RYR3: variants seen among roughly 807,000 people sequenced by gnomAD.
RYR3 encodes the protein ryanodine receptor 3, also known as brain ryanodine receptor-calcium release channel.
A neutral mutation model predicts 584.3 loss-of-function variants in RYR3; 207 were observed. That is an observed-to-expected ratio of 0.35 (90% CI 0.32 to 0.40). The LOEUF is 0.40. Among genes scored for constraint, RYR3 ranks in the 10% least tolerant of loss-of-function variants. The pLI is 1.00. For synonymous variants in RYR3, 2,416 were observed against 2,248.5 expected, an observed-to-expected ratio of 1.07 and a Z score of -2.11; for missense variants, 5,616 against 6,089.2, an observed-to-expected ratio of 0.92 and a Z score of 2.59.
intron 103 of RYR3, 177 bp from the exon 104 acceptor site, chr15:33,864,954 G>A: frequency 3.6e-6 from 2 of 551,738 alleles, no homozygotes; most frequent in Non-Finnish European, 6.4e-6. Flanking sequence ...AGAGAGACAT[G>A]GCTTCTTGCT....
At position 33,662,942 on chromosome 15, in the gene RYR3, G is replaced by A; in HGVS notation, c.5412G>A (p.Lys1804=). Residue 1804 remains lysine, a synonymous_variant, in exon 35 of 104, where the codon AAG becomes AAA. Transcript: ENST00000634891. The part of the protein sequence containing the change: ...LLQTRLPESV[K]LQMCELLSYL... ...AGACTCGATTACCCGAATCCGTCAA[G>A]CTGCAGGTAAGCTGCAGGTGGTTAA... 1.9e-6 allele frequency: 3 copies of A among 1,611,448 alleles called. No homozygotes were observed. The highest frequency in any genetic ancestry group is 2.5e-6 in the Non-Finnish European group (3 of 1,178,746).
chr15:33,739,840 C>T lies in RYR3; in HGVS notation c.7665C>T (p.Asp2555=), dbSNP rs377655671. ...TTGTTTTTCCCTCACAGAAATATGA[C>T]CCAGATCTTTTCCGAATGGCCCTGC... is the stretch of plus-strand genomic sequence containing the variant. ...IFDSLSHKKY[D]PDLFRMALPC... is the part of the protein sequence containing the mutation. Residue 2555 remains aspartate (D), a synonymous_variant, in exon 51 of 104, where the codon GAC becomes GAT. Coordinates refer to ENST00000634891, the MANE Select transcript of RYR3 (RefSeq NM_001036.6). 7.6e-5 allele frequency: 123 copies of T among 1,613,200 alleles called. No homozygotes were observed. Among genetic ancestry groups the T allele is most frequent in the Non-Finnish European group, 9.2e-5 (108 of 1,179,560 alleles).
In RYR3 at chr15:33,838,839, A is replaced by C. The variant is rs773012151; in HGVS notation, c.12859A>C (p.Lys4287Gln). The C allele has an allele frequency of 2.3e-5, 37 of 1,613,976 alleles. 1 individual carries two copies. In the South Asian group the frequency reaches 4.1e-4, roughly 18 times the overall value. The change falls in exon 89 of 104, where the codon AAG becomes CAG. Residue 4287 changes from lysine (K) to glutamine (Q), a missense_variant. By Grantham distance (53) the Lys-to-Gln change is moderately conservative. This residue lies in a region of RYR3 where 918 missense variants were observed against 887.4 expected (regional missense o/e 1.03). Coordinates refer to ENST00000634891, the MANE Select transcript of RYR3 (RefSeq NM_001036.6). Reference sequence around the variant, plus strand: ...GTCAGACCTCTTTGGACTCCACCCAAAGAAAGAGGGCAGCTTAAAGCATGG... The same window carrying C: ...GTCAGACCTCTTTGGACTCCACCCACAGAAAGAGGGCAGCTTAAAGCATGG... ...IMSDLFGLHPKKEGSLKHGPE... is the reference protein window; with the variant it reads ...IMSDLFGLHPQKEGSLKHGPE...
At chr15:33,531,268 A>G (rs2054841352) in intron 4 of RYR3, among the ~76,000 whole-genome samples, 1 of 152,182 alleles carries the variant, frequency 6.6e-6, no homozygotes, top group African/African-American at 2.4e-5. Flanking sequence ...CGACAGAAGG[A>G]TGATGCCTCA....
intron 1 of RYR3, among the ~76,000 whole-genome samples, chr15:33,340,202 C>G (rs991830335): frequency 1.3e-5 from 2 of 152,214 alleles, no homozygotes; most frequent in Non-Finnish European, 2.9e-5. Flanking sequence ...TCTCACATCA[C>G]CATGACACAA....
intron 1 of RYR3, among the ~76,000 whole-genome samples, chr15:33,447,012 C>T (rs1417250839): frequency 6.6e-6 from 1 of 152,216 alleles, no homozygotes; most frequent in Non-Finnish European, 1.5e-5. Context: ...GCGTCTCACC[C>T]TGCACCACAG....
At chr15:33,526,686 C>T (rs1312706565) in intron 3 of RYR3, among the ~76,000 whole-genome samples, 1 of 152,062 alleles carries the variant, frequency 6.6e-6, no homozygotes, top group Non-Finnish European at 1.5e-5. Context: ...AACACCACCT[C>T]CCCTAATTAC....
chr15:33,459,432 A>G (rs963623500), intron 1 of RYR3, among the ~76,000 whole-genome samples: 1 of 152,156 alleles, frequency 6.6e-6, no homozygotes, highest in Non-Finnish European at 1.5e-5. Context: ...TATTAGTAAG[A>G]TGTCCCTGAG....
chr15:33,507,411 T>A lies in RYR3; in HGVS notation c.279+3673T>A, dbSNP rs533070331. 3.9e-5 allele frequency among the ~76,000 whole-genome samples: 6 copies of A among 152,332 alleles called. No individual in the cohort carries two copies. In the East Asian group the frequency reaches 1.2e-3, roughly 29 times the overall value. ...TTTGTGCCTCTCAGGGTCTGCCCTA[T>A]CTCAGCTCCTCCTTGGATCACTTTA... On this transcript the variant is annotated intron_variant, in intron 3 of 103. Transcript: ENST00000634891.
intron 6 of RYR3, among the ~76,000 whole-genome samples, chr15:33,539,740 A>G (rs571135737): frequency 2.0e-5 from 3 of 152,200 alleles, no homozygotes; most frequent in East Asian, 1.9e-4. Flanking sequence ...CTGTTAAAGC[A>G]TATTTTATAT....
chr15:33,575,847 T>G (rs372095052), intron 12 of RYR3, among the ~76,000 whole-genome samples: 3 of 149,318 alleles, frequency 2.0e-5, no homozygotes, highest in African/African-American at 7.4e-5. Context: ...AAAAAAAAAA[T>G]TAATAAAATA....
intron 20 of RYR3, among the ~76,000 whole-genome samples, chr15:33,628,234 A>G (rs181281987): frequency 5.9e-4 from 90 of 152,268 alleles, no homozygotes; most frequent in African/African-American, 2.1e-3. Flanking sequence ...AACATTCAAC[A>G]CATACACCTA....
intron 3 of RYR3, among the ~76,000 whole-genome samples, chr15:33,522,287 T>C (rs77290901): frequency 0.026 from 3,878 of 151,918 alleles, 64 homozygotes; most frequent in Non-Finnish European, 0.04. Context: ...TTCTGTTTCA[T>C]AGTTTCAGTT....
chr15:33,659,193 C>G (rs1006575974), intron 32 of RYR3, among the ~76,000 whole-genome samples: 5 of 152,170 alleles, frequency 3.3e-5, no homozygotes, highest in African/African-American at 1.2e-4. Flanking sequence ...AGCTACCTGG[C>G]CTGAAATGTC....
At chr15:33,812,791 A>G in intron 72 of RYR3, 72 bp from the exon 73 acceptor site, 6 of 1,507,152 alleles carry the variant, frequency 4.0e-6, no homozygotes, top group Non-Finnish European at 4.5e-6. Context: ...GAACCATGGT[A>G]GGACCAAAAG....
chr15:33,677,163 G>T (rs570370242), intron 38 of RYR3, among the ~76,000 whole-genome samples: 1 of 152,054 alleles, frequency 6.6e-6, no homozygotes, highest in South Asian at 2.1e-4. Context: ...ATTGCATTCC[G>T]TATCCCGGAC....
rs114962024 is a variant in RYR3 at position 33,633,791 on chromosome 15, C to T, written c.3027+683C>T. Among the ~76,000 whole-genome samples, 337 of 152,272 alleles carry T rather than the reference C, an allele frequency of 2.2e-3. 2 individuals carry two copies. Among genetic ancestry groups the T allele is most frequent in the African/African-American group, 7.7e-3 (319 of 41,538 alleles). On this transcript the variant is annotated intron_variant, in intron 24 of 103. Transcript: ENST00000634891. ...GTCTTCTTAGTCCCTCCTAAGGAAC[C>T]GAGAGGGACATTACTACAAATGTGT...
chr15:33,653,029 T>A, intron 32 of RYR3, 146 bp downstream of exon 32: 1 of 705,698 alleles, frequency 1.4e-6, no homozygotes, highest in Non-Finnish European at 2.2e-6. Context: ...GGACAACAAA[T>A]AAACAACAAC....
In RYR3 at chr15:33,731,620, C is replaced by T. The variant is rs1452135793; in HGVS notation, c.7350C>T (p.Tyr2450=). The change falls in exon 48 of 104, where the codon TAC becomes TAT. Residue 2450 remains tyrosine (Y), a synonymous_variant. Transcript: ENST00000634891. ...SLIDSTLQTI[Y]RLSKGRSLTK... is the part of the protein sequence containing the mutation. ...TTGATTCCACACTGCAGACAATATA[C>T]AGGCTATCCAAGGGACGTTCCCTCA... 1 of 1,613,892 alleles carries T rather than the reference C, an allele frequency of 6.2e-7. No homozygotes were observed. Among genetic ancestry groups the T allele is most frequent in the East Asian group, 2.2e-5 (1 of 44,890 alleles).
Sources: allele counts gnomAD v4.1 joint callset (sites outside exome capture counted in the v4.1 genomes callset), GRCh38; gene constraint gnomAD v4.1.1; regional missense constraint gnomAD v4.1.1; transcripts MANE v1.5; gene names NCBI Gene and HGNC (gene_info 2026-07-23, HGNC 2026-07-21).